RERE: variants seen among roughly 807,000 people sequenced by gnomAD.
RERE encodes the protein arginine-glutamic acid dipeptide repeats protein.
Under a neutral mutation model 146.1 loss-of-function variants are expected in RERE, and 40 were observed. The ratio of observed to expected loss-of-function variants is 0.27; its 90% CI spans 0.21 to 0.36. RERE has a LOEUF of 0.36. RERE is among the 10% of genes least tolerant of loss of function. The probability of loss-of-function intolerance (pLI) is 1.00; values close to 1 mark genes in which losing one functional copy is unlikely to be tolerated. For synonymous variants in RERE, 1,003 were observed against 866.0 expected (o/e 1.16, Z -2.78); for missense variants, 1,933 against 2,138.7 (o/e 0.90, Z 1.90).
intron 4 of RERE, among the ~76,000 whole-genome samples, chr1:8,573,052 C>T (rs1051304553): frequency 2.6e-5 from 4 of 152,114 alleles, no homozygotes; most frequent in African/African-American, 4.8e-5. Context: ...ACCTAAATGT[C>T]TTGCTTGCTT....
intron 11 of RERE, among the ~76,000 whole-genome samples, chr1:8,451,362 G>T (rs1644388505): frequency 6.6e-6 from 1 of 152,134 alleles, no homozygotes; most frequent in African/African-American, 2.4e-5. Context: ...AACCCGGAAG[G>T]CAGAGGTTGC....
intron 4 of RERE, among the ~76,000 whole-genome samples, chr1:8,578,398 T>TAA: frequency 6.6e-6 from 1 of 152,104 alleles, no homozygotes; most frequent in African/African-American, 2.4e-5. Context: ...AATCAAACAG[T>TAA]TACCTAACAA....
chr1:8,524,654 CA>C (rs1203115129), intron 7 of RERE, among the ~76,000 whole-genome samples: 1 of 152,020 alleles, frequency 6.6e-6, no homozygotes, highest in Non-Finnish European at 1.5e-5. Flanking sequence ...GGAGTGGAAA[CA>C]AAAAGGAGCA....
intron 12 of RERE, among the ~76,000 whole-genome samples, chr1:8,408,571 GATC>G (rs1170236166): frequency 2.6e-5 from 4 of 152,098 alleles, no homozygotes; most frequent in Non-Finnish European, 4.4e-5. Context: ...GAGCTTCACA[GATC>G]ATTAAAGGTT....
chr1:8,428,679 C>G (rs1644050957), intron 11 of RERE: 1 of 151,890 alleles, frequency 6.6e-6, no homozygotes, highest in African/African-American at 2.4e-5. Context: ...GGAAAGAACG[C>G]AAGGTTCAGA....
intron 7 of RERE, among the ~76,000 whole-genome samples, chr1:8,514,869 G>A (rs1199745459): frequency 6.6e-6 from 1 of 152,186 alleles, no homozygotes; most frequent in Non-Finnish European, 1.5e-5. Flanking sequence ...AGCAAGTGCT[G>A]GAGGCTAAAA....
chr1:8,774,959 T>C (rs1444157765), intron 1 of RERE, among the ~76,000 whole-genome samples: 8 of 129,056 alleles, frequency 6.2e-5, no homozygotes, highest in Non-Finnish European at 6.4e-5. Context: ...TTCTTTTTTT[T>C]TTTTTTTTTT....
At chr1:8,384,517 A>T (rs1463376997) in intron 12 of RERE, among the ~76,000 whole-genome samples, 1 of 152,254 alleles carries the variant, frequency 6.6e-6, no homozygotes, top group Non-Finnish European at 1.5e-5. Flanking sequence ...GCAAATAAAG[A>T]GGTAAATGAG....
At chr1:8,542,716 G>C (rs1213668294) in intron 6 of RERE, among the ~76,000 whole-genome samples, 1 of 152,132 alleles carries the variant, frequency 6.6e-6, no homozygotes, top group Non-Finnish European at 1.5e-5. Context: ...AGGTTGCCCA[G>C]GCTGGTCTCA....
intron 2 of RERE, among the ~76,000 whole-genome samples, chr1:8,626,170 G>C (rs554892033): frequency 6.6e-6 from 1 of 152,212 alleles, no homozygotes; most frequent in East Asian, 1.9e-4. Context: ...TCCTACCTTG[G>C]TATTCAAGTA....
intron 10 of RERE, among the ~76,000 whole-genome samples, chr1:8,471,940 T>C (rs948030651): frequency 6.6e-6 from 1 of 152,150 alleles, no homozygotes; most frequent in Non-Finnish European, 1.5e-5. Context: ...GCATCCAGAG[T>C]AGCTGGGACT....
chr1:8,769,184 A>T (rs1228978551), intron 1 of RERE, among the ~76,000 whole-genome samples: 1 of 152,222 alleles, frequency 6.6e-6, no homozygotes, highest in Non-Finnish European at 1.5e-5. Flanking sequence ...TTTGAGTAAA[A>T]GGAGTAAAAG....
chr1:8,630,824 A>AC (rs1278236729), intron 2 of RERE, among the ~76,000 whole-genome samples: 35 of 152,214 alleles, frequency 2.3e-4, no homozygotes, highest in African/African-American at 8.0e-4. Flanking sequence ...CCCAGTCCTT[A>AC]CCCTTACTCT....
intron 1 of RERE, among the ~76,000 whole-genome samples, chr1:8,727,939 T>C (rs1020305197): frequency 1.3e-5 from 2 of 152,248 alleles, no homozygotes; most frequent in Admixed American, 1.3e-4. Context: ...TTGTAGCATA[T>C]ATTAATTAAT....
rs1304815755 is a variant in RERE, at chr1:8,608,739, G to A, written c.522+5822C>T. On this transcript the variant is annotated intron_variant, in intron 4 of 22. Transcript: ENST00000400908. Reference sequence around the variant, plus strand: ...ATTGATATTTGTGATCTAAAAATGCGGCTTGATGCCCCTTTTGGAAAAAAG... The same window carrying A: ...ATTGATATTTGTGATCTAAAAATGCAGCTTGATGCCCCTTTTGGAAAAAAG... 2.6e-5 allele frequency among the ~76,000 whole-genome samples: 4 copies of A among 152,172 alleles called. No homozygotes were observed. The East Asian group carries it at 5.8e-4, about 22-fold the overall frequency.
At chr1:8,391,118 G>T (rs1248070604) in intron 12 of RERE, among the ~76,000 whole-genome samples, 1 of 151,898 alleles carries the variant, frequency 6.6e-6, no homozygotes, top group Non-Finnish European at 1.5e-5. Flanking sequence ...AAATAAACAG[G>T]AAAACTGATG....
intron 4 of RERE, among the ~76,000 whole-genome samples, chr1:8,564,449 A>T (rs1053235137): frequency 3.9e-5 from 6 of 152,180 alleles, no homozygotes; most frequent in Non-Finnish European, 8.8e-5. Flanking sequence ...CAAAGGTCAG[A>T]TGTGGAATTT....
At chr1:8,472,008 T>G (rs1251766854) in intron 10 of RERE, among the ~76,000 whole-genome samples, 2 of 152,152 alleles carry the variant, frequency 1.3e-5, no homozygotes, top group African/African-American at 2.4e-5. Flanking sequence ...GATGAGGTTT[T>G]GCCATGTTGG....
At chr1:8,732,331 A>T (rs917418880) in intron 1 of RERE, among the ~76,000 whole-genome samples, 12 of 152,256 alleles carry the variant, frequency 7.9e-5, no homozygotes, top group Non-Finnish European at 1.8e-4. Context: ...GCTCTAAAGA[A>T]CAAGAAAGAG....
Sources: allele counts gnomAD v4.1 joint callset (sites outside exome capture counted in the v4.1 genomes callset), GRCh38; gene constraint gnomAD v4.1.1; transcripts MANE v1.5; gene names NCBI Gene and HGNC (gene_info 2026-07-23, HGNC 2026-07-21).